The following GPR39 variants were observed in gnomAD, a reference collection of about 807,000 sequenced individuals.
The protein encoded by GPR39 is zinc sensing receptor.
Under a neutral mutation model 18.4 loss-of-function variants are expected in GPR39, and 23 were observed. The observed-to-expected ratio is 1.25, with a 90% CI of 0.90 to 1.77. The LOEUF is 1.77. Ranked by LOEUF, GPR39 falls within the 40% of genes most tolerant of loss-of-function variation. The pLI, the probability that GPR39 is intolerant of heterozygous loss-of-function variation, is 0.00. For synonymous variants in GPR39, 280 were observed against 257.9 expected (o/e 1.09, Z -0.82); for missense variants, 647 against 602.4 (o/e 1.07, Z -0.78).
intron 1 of GPR39, among the ~76,000 whole-genome samples, chr2:132,542,514 A>C (rs969149217): frequency 6.6e-6 from 1 of 152,200 alleles, no homozygotes; most frequent in Non-Finnish European, 1.5e-5. Flanking sequence ...GCTATGAAAA[A>C]TGCAAGGTCA....
intron 1 of GPR39, among the ~76,000 whole-genome samples, chr2:132,464,022 C>A (rs1402799490): frequency 6.6e-6 from 1 of 152,202 alleles, no homozygotes; most frequent in African/African-American, 2.4e-5. Flanking sequence ...GTCCTAGGTT[C>A]TGAAACTCAC....
At chr2:132,546,104 G>A (rs1048219114) in intron 1 of GPR39, among the ~76,000 whole-genome samples, 1 of 152,206 alleles carries the variant, frequency 6.6e-6, no homozygotes, top group Non-Finnish European at 1.5e-5. Flanking sequence ...ACTTAGCCAA[G>A]AGACAATTTT....
intron 1 of GPR39, among the ~76,000 whole-genome samples, chr2:132,463,462 T>TC (rs1680869708): frequency 6.8e-6 from 1 of 146,136 alleles, no homozygotes. Flanking sequence ...GGCTCTTCCC[T>TC]CCCCACTTCC....
rs147828156 is a variant in GPR39, at chr2:132,639,841, G to A, written c.857-5260G>A. ...CAAGACAGTGCATAGGAAAGGTGTT[G>A]TATAGACATGCCACTTGCTGCATCC... On this transcript the variant is annotated intron_variant, in intron 1 of 1. Coordinates refer to ENST00000329321, the MANE Select transcript of GPR39 (RefSeq NM_001508.3). Among the ~76,000 whole-genome samples, 708 of 152,236 alleles carry A rather than the reference G, an allele frequency of 4.7e-3. 4 individuals carry two copies. Among genetic ancestry groups the A allele is most frequent in the African/African-American group, 0.016 (651 of 41,544 alleles).
At chr2:132,644,423 C>T (rs182750096) in intron 1 of GPR39, among the ~76,000 whole-genome samples, 11 of 152,296 alleles carry the variant, frequency 7.2e-5, no homozygotes, top group African/African-American at 2.6e-4. Context: ...ATTCTTTTTC[C>T]CCACATGAGG....
At chr2:132,527,543 T>C (rs548945334) in intron 1 of GPR39, among the ~76,000 whole-genome samples, 1 of 152,340 alleles carries the variant, frequency 6.6e-6, no homozygotes, top group South Asian at 2.1e-4. Flanking sequence ...TTGAACTAAT[T>C]TACATTCCTA....
chr2:132,611,618 T>C (rs1183526312), intron 1 of GPR39, among the ~76,000 whole-genome samples: 2 of 132,388 alleles, frequency 1.5e-5, no homozygotes, highest in Non-Finnish European at 3.2e-5. Context: ...GACCTGGAGT[T>C]TGATTTGCAG....
chr2:132,524,931 G>T (rs776610030), intron 1 of GPR39, among the ~76,000 whole-genome samples: 2 of 151,936 alleles, frequency 1.3e-5, no homozygotes, highest in African/African-American at 4.8e-5. Flanking sequence ...TCTGCGAATC[G>T]CTTTATACAG....
At position 132,450,271 on chromosome 2, in the gene GPR39, T is replaced by A. The variant is rs187553617; in HGVS notation, c.856+32373T>A. Reference sequence around the variant, plus strand: ...TACCTGCTAGGGCCACCACTGCTGATCAGCATAGAATTGATGCAAAGCAGA... The same window carrying A: ...TACCTGCTAGGGCCACCACTGCTGAACAGCATAGAATTGATGCAAAGCAGA... On this transcript the variant is annotated intron_variant, in intron 1 of 1. Transcript: ENST00000329321. Among the ~76,000 whole-genome samples, 259 of 152,316 alleles carry A rather than the reference T, an allele frequency of 1.7e-3. 1 individual carries two copies. The highest frequency in any genetic ancestry group is 5.7e-3 in the African/African-American group (237 of 41,574).
At chr2:132,575,871 G>A (rs1164672451) in intron 1 of GPR39, among the ~76,000 whole-genome samples, 2 of 152,126 alleles carry the variant, frequency 1.3e-5, no homozygotes, top group African/African-American at 4.8e-5. Context: ...TGGTGGTTGG[G>A]TAATGAGGGT....
At chr2:132,561,088 A>ATT (rs113078442) in intron 1 of GPR39, among the ~76,000 whole-genome samples, 1 of 143,666 alleles carries the variant, frequency 7.0e-6, no homozygotes, top group African/African-American at 2.5e-5. Flanking sequence ...TAAATTTTGT[A>ATT]TTTTTTTTTT....
At chr2:132,568,980 C>G (rs138211734) in intron 1 of GPR39, among the ~76,000 whole-genome samples, 1 of 152,202 alleles carries the variant, frequency 6.6e-6, no homozygotes, top group East Asian at 1.9e-4. Flanking sequence ...GGCTTGACTT[C>G]TGGTCACTGT....
chr2:132,487,288 C>T (rs1681360688), intron 1 of GPR39, among the ~76,000 whole-genome samples: 1 of 152,164 alleles, frequency 6.6e-6, no homozygotes, highest in Non-Finnish European at 1.5e-5. Context: ...TACTGTATTT[C>T]ACTGGATTAT....
chr2:132,481,746 T>C (rs796535246), intron 1 of GPR39, among the ~76,000 whole-genome samples: 35 of 152,242 alleles, frequency 2.3e-4, no homozygotes, highest in African/African-American at 8.2e-4. Flanking sequence ...CTGTAAGAAA[T>C]TATAAATACT....
intron 1 of GPR39, among the ~76,000 whole-genome samples, chr2:132,619,140 C>T (rs895141494): frequency 5.3e-5 from 8 of 152,194 alleles, no homozygotes; most frequent in African/African-American, 1.9e-4. Flanking sequence ...ACTTTCTTCT[C>T]CACCCGAGGC....
intron 1 of GPR39, among the ~76,000 whole-genome samples, chr2:132,477,499 G>A (rs978487777): frequency 3.9e-5 from 6 of 152,140 alleles, no homozygotes; most frequent in East Asian, 3.9e-4. Flanking sequence ...CCATGAGGTC[G>A]AGGCTGCAGT....
At chr2:132,558,043 T>C (rs1015677987) in intron 1 of GPR39, among the ~76,000 whole-genome samples, 2 of 152,194 alleles carry the variant, frequency 1.3e-5, no homozygotes, top group African/African-American at 4.8e-5. Context: ...GGAAAGCCTT[T>C]TAGGGCTTCT....
intron 1 of GPR39, among the ~76,000 whole-genome samples, chr2:132,475,914 G>A (rs144502002): frequency 9.1e-4 from 139 of 152,266 alleles, no homozygotes; most frequent in African/African-American, 3.1e-3. Flanking sequence ...CCAATCAAAT[G>A]ATGCAGCCAT....
chr2:132,561,260 T>TA, intron 1 of GPR39, among the ~76,000 whole-genome samples: 1 of 152,098 alleles, frequency 6.6e-6, no homozygotes, highest in Non-Finnish European at 1.5e-5. Flanking sequence ...TTTTCTCTCC[T>TA]AAACCTGCTT....
Sources: allele counts gnomAD v4.1 joint callset (sites outside exome capture counted in the v4.1 genomes callset), GRCh38; gene constraint gnomAD v4.1.1; transcripts MANE v1.5; gene names NCBI Gene and HGNC (gene_info 2026-07-23, HGNC 2026-07-21).